Variants in CPLANE1 observed in about 807,000 individuals in gnomAD.
CPLANE1 encodes the protein ciliogenesis and planar polarity effector complex subunit 1.
A neutral mutation model predicts 362.5 loss-of-function variants in CPLANE1; 263 were observed. The observed-to-expected ratio is 0.73, with a 90% CI of 0.66 to 0.80. The LOEUF is 0.80. Among genes scored for constraint, CPLANE1 ranks in the 30% least tolerant of loss-of-function variants. The pLI is 0.00. For missense variants in CPLANE1, 3,461 were observed against 3,793.4 expected (o/e 0.91, Z 2.30); for synonymous variants, 1,212 against 1,302.6 (o/e 0.93, Z 1.50).
In CPLANE1 at chr5:37,125,510, A is replaced by G. The variant is rs574697505; in HGVS notation, c.8793-101T>C. ...TATTTATCCGGAAATATTTTGCCCC[A>G]TCTTCAAAAGTAGTATATACTTATG... is the stretch of plus-strand genomic sequence containing the variant. On this transcript the variant is annotated intron_variant, in intron 46 of 52. Transcript: ENST00000651892. The G allele has an allele frequency of 3.1e-5, 37 of 1,175,158 alleles. No individual in the cohort carries two copies. In the South Asian group the frequency reaches 4.8e-4, roughly 15 times the overall value. The allele number at this position is 1,175,158 out of a possible 1,614,324, so 72.8% of individuals were successfully genotyped here. A position where few individuals can be genotyped will look rare whatever the true frequency, so the allele number is the denominator to read the frequency against.
intron 16 of CPLANE1, among the ~76,000 whole-genome samples, chr5:37,213,250 AG>A (rs1793131135): frequency 6.6e-6 from 1 of 152,294 alleles, no homozygotes; most frequent in Middle Eastern, 3.4e-3. Context: ...GTTCAAAAAC[AG>A]TCTGAGCAAT....
chr5:37,243,836 T>C (rs1429712349), intron 5 of CPLANE1, among the ~76,000 whole-genome samples: 1 of 145,300 alleles, frequency 6.9e-6, no homozygotes, highest in Non-Finnish European at 1.5e-5. Flanking sequence ...TATATACGTG[T>C]ATATATATTA....
intron 51 of CPLANE1, among the ~76,000 whole-genome samples, chr5:37,110,631 T>C (rs1758904848): frequency 6.6e-6 from 1 of 152,018 alleles, no homozygotes; most frequent in African/African-American, 2.4e-5. Context: ...GTGCCTGGTA[T>C]GTAGTAGGAA....
Position 37,201,732 on chromosome 5 carries a change from A to G in CPLANE1, c.3366T>C (p.Asp1122=). 1.2e-6 allele frequency: 2 copies of G among 1,614,202 alleles called. No homozygotes were observed. The highest frequency in any genetic ancestry group is 1.7e-5 in the Admixed American group (1 of 60,026). The change falls in exon 19 of 53, where the codon GAT becomes GAC. Residue 1122 remains aspartate, a synonymous_variant. Coordinates refer to ENST00000651892, the MANE Select transcript of CPLANE1 (RefSeq NM_001384732.1). ...QEVLKASVMA[D]ADILSETFQL... is the part of the protein sequence containing the mutation. The stretch of plus-strand genomic sequence containing the variant: ...GAAATGTCTCCGAAAGAATATCTGC[A>G]TCGGCCATAACTGATGCTTTCAGTA...
At chr5:37,187,641 A>G (rs1784426491) in intron 22 of CPLANE1, 69 bp from the exon 23 acceptor site, 1 of 1,557,332 alleles carries the variant, frequency 6.4e-7, no homozygotes, top group African/African-American at 1.4e-5. Context: ...AGTTCAAAAG[A>G]AAGTTTTGCT....
intron 15 of CPLANE1, among the ~76,000 whole-genome samples, chr5:37,218,820 C>A (rs1448425086): frequency 6.6e-6 from 1 of 151,394 alleles, no homozygotes; most frequent in Admixed American, 6.6e-5. Flanking sequence ...TGGTGGCAGG[C>A]GCCTGTAATC....
chr5:37,242,811 G>A (rs1303200762), intron 6 of CPLANE1, among the ~76,000 whole-genome samples: 1 of 150,296 alleles, frequency 6.7e-6, no homozygotes, highest in Admixed American at 6.7e-5. Flanking sequence ...AGGACTGCTT[G>A]AGCCCAGGAG....
chr5:37,085,883 G>A, the CPLANE1 span: 19 of 907,480 alleles, frequency 2.1e-5, no homozygotes, highest in Admixed American at 4.1e-4. Context: ...TTAAATCTTT[G>A]TACATAATTA....
Position 37,185,069 on chromosome 5 carries a change from A to T in CPLANE1, c.4200T>A (p.Thr1400=). Residue 1400 remains threonine, a synonymous_variant, in exon 25 of 53, where the codon ACT becomes ACA. Transcript: ENST00000651892. Reference sequence around the variant, plus strand: ...GCATGACAACAGACATCATTTCCTCAGTCTGGGGTCCTGGAAAGAAAAGAA... The same window carrying T: ...GCATGACAACAGACATCATTTCCTCTGTCTGGGGTCCTGGAAAGAAAAGAA... ...LRHCVVKGPQ[T]EEMMSVVMHS... is the part of the protein sequence containing the mutation. 1.2e-6 allele frequency: 2 copies of T among 1,603,114 alleles called. No individual in the cohort carries two copies. The highest frequency in any genetic ancestry group is 1.7e-6 in the Non-Finnish European group (2 of 1,176,780).
chr5:37,128,182 T>C (rs960613264), intron 46 of CPLANE1, among the ~76,000 whole-genome samples: 2 of 152,238 alleles, frequency 1.3e-5, no homozygotes, highest in African/African-American at 4.8e-5. Context: ...AATTTTTGTA[T>C]TTTTGGTAGA....
At chr5:37,125,821 G>A (rs1007662764) in intron 46 of CPLANE1, among the ~76,000 whole-genome samples, 1 of 152,076 alleles carries the variant, frequency 6.6e-6, no homozygotes, top group Non-Finnish European at 1.5e-5. Flanking sequence ...TATATTTATA[G>A]AGTACATGAG....
At chr5:37,180,330 T>C (rs905425889) in intron 27 of CPLANE1, 147 bp from the exon 28 acceptor site, 3 of 392,790 alleles carry the variant, frequency 7.6e-6, no homozygotes, top group East Asian at 4.1e-5. Context: ...AATTCAGTTT[T>C]TTAAAAGCAA....
At position 37,142,398 on chromosome 5, in the gene CPLANE1, A is replaced by T. The variant is rs768212399; in HGVS notation, c.8544T>A (p.Asn2848Lys). 1.2e-6 allele frequency: 2 copies of T among 1,611,442 alleles called. No individual in the cohort carries two copies. Among genetic ancestry groups the T allele is most frequent in the Non-Finnish European group, 1.7e-6 (2 of 1,179,010 alleles). ...TSEPEFSITENYSGQKTCVFP... is the reference protein window; with the variant it reads ...TSEPEFSITEKYSGQKTCVFP... The stretch of plus-strand genomic sequence containing the variant: ...ACACACAGGTTTTCTGACCAGAATA[A>T]TTTTCTGTTATTGAAAATTCAGGTT... Residue 2848 changes from asparagine to lysine, a missense_variant, in exon 44 of 53, where the codon AAT (asparagine) becomes AAA (lysine). Coordinates refer to ENST00000651892, the MANE Select transcript of CPLANE1 (RefSeq NM_001384732.1).
At position 37,213,642 on chromosome 5, in the gene CPLANE1, A is replaced by G; in HGVS notation, c.2837T>C (p.Met946Thr). ...CTGCTGATTGGTGAAATAGGCAGCCATGAAACGAGCCATGGACTGGACGAC... is the reference window on the plus strand; with the variant it reads ...CTGCTGATTGGTGAAATAGGCAGCCGTGAAACGAGCCATGGACTGGACGAC... ...VRVVQSMARF[M>T]AAYFTNQQLC... is the part of the protein sequence containing the mutation. Residue 946 changes from methionine (M) to threonine (T), a missense_variant, in exon 16 of 53, where the codon ATG becomes ACG. By Grantham distance (81) the Met-to-Thr change is moderately conservative (BLOSUM62 -1). Coordinates refer to ENST00000651892, the MANE Select transcript of CPLANE1 (RefSeq NM_001384732.1). 1 of 1,547,756 alleles carries G rather than the reference A, an allele frequency of 6.5e-7. No homozygotes were observed. Among genetic ancestry groups the G allele is most frequent in the Non-Finnish European group, 8.7e-7 (1 of 1,144,486 alleles).
rs1307731954 is a variant in CPLANE1 at position 37,175,870 on chromosome 5, C to T, written c.5978+39G>A. 8.0e-6 allele frequency: 11 copies of T among 1,378,376 alleles called. No homozygotes were observed. The East Asian group carries it at 2.5e-4, about 32-fold the overall frequency. 85.4% of individuals were successfully genotyped at this position (1,378,376 alleles called of 1,614,324 possible). On this transcript the variant is annotated intron_variant, in intron 31 of 52. Transcript: ENST00000651892. Reference sequence around the variant, plus strand: ...CTTTCACTCTGTGATTTGTAAAACACAACTATTTTTAAATGGTATAGTAGG... The same window carrying T: ...CTTTCACTCTGTGATTTGTAAAACATAACTATTTTTAAATGGTATAGTAGG...
In CPLANE1 at chr5:37,157,703, T is replaced by C. The variant is rs756411183; in HGVS notation, c.7978A>G (p.Asn2660Asp). ...ELHYMAASVTNAVPPHNFKSQ... is the reference protein window; with the variant it reads ...ELHYMAASVTDAVPPHNFKSQ... ...TTAAAATTATGTGGGGGAACAGCAT[T>C]AGTAACTGAAGCTGCCATATAATGT... is the stretch of plus-strand genomic sequence containing the variant. The change falls in exon 40 of 53, where the codon AAT becomes GAT. Residue 2660 changes from asparagine (N) to aspartate (D), a missense_variant. Asn to Asp is a conservative substitution (Grantham distance 23). This residue lies in a region of CPLANE1 where 3,380 missense variants were observed against 3,666.1 expected (regional missense o/e 0.92). Transcript: ENST00000651892. The C allele has an allele frequency of 5.9e-5, 96 of 1,613,708 alleles. No homozygotes were observed. The highest frequency in any genetic ancestry group is 7.8e-5 in the Non-Finnish European group (92 of 1,179,854).
At position 37,108,318 on chromosome 5, in the gene CPLANE1, T is replaced by A. The variant is rs373643291; in HGVS notation, c.9554A>T (p.His3185Leu). 1 of 1,614,154 alleles carries A rather than the reference T, an allele frequency of 6.2e-7. No homozygotes were observed. The highest frequency in any genetic ancestry group is 2.2e-5 in the East Asian group (1 of 44,884). ...TTGTAGAAGGGAATTGTGACTCTCA[T>A]GAAGAATCTTATGGATTTCTGAAGG... ...TIPSEIHKIL[H>L]ESHNSLLQDL... The change falls in exon 52 of 53, where the codon CAT becomes CTT. Residue 3185 changes from histidine to leucine, a missense_variant. His to Leu is a moderately conservative substitution (Grantham distance 99). Transcript: ENST00000651892.
chr5:37,224,738 A>G lies in CPLANE1; in HGVS notation c.2294T>C (p.Leu765Ser). 1 of 1,543,284 alleles carries G rather than the reference A, an allele frequency of 6.5e-7. No homozygotes were observed. The highest frequency in any genetic ancestry group is 8.8e-7 in the Non-Finnish European group (1 of 1,140,244). ...VNPVQQPGHR[L>S]LILWRILYKK... Reference sequence around the variant, plus strand: ...GTACAGTATTCTCCAGAGAATAAGCAATCTGCACATAAAATCAGGTAATTA... The same window carrying G: ...GTACAGTATTCTCCAGAGAATAAGCGATCTGCACATAAAATCAGGTAATTA... Residue 765 changes from leucine to serine, a missense_variant and splice_region_variant, in exon 13 of 53, where the codon TTG becomes TCG. This residue lies in a region of CPLANE1 where 3,380 missense variants were observed against 3,666.1 expected (regional missense o/e 0.92). Coordinates refer to ENST00000651892, the MANE Select transcript of CPLANE1 (RefSeq NM_001384732.1).
chr5:37,180,251 TTTTTTTTTG>T, intron 27 of CPLANE1, 68 bp from the exon 28 acceptor site: 1 of 1,034,412 alleles, frequency 9.7e-7, no homozygotes, highest in Non-Finnish European at 1.3e-6. Flanking sequence ...AGTTTTGGGT[TTTTTTTTTG>T]TTTTTTTTTT....
Sources: gnomAD v4.1 joint callset for allele counts (sites outside exome capture counted in the v4.1 genomes callset) on GRCh38, gnomAD v4.1.1 for gene constraint, gnomAD v4.1.1 regional missense constraint, MANE v1.5 for transcripts, NCBI Gene and HGNC (gene_info 2026-07-23, HGNC 2026-07-21) for gene names.